The following ITGA7 variants were observed in gnomAD, a reference collection of about 807,000 sequenced individuals.
The protein encoded by ITGA7 is integrin alpha-7.
ITGA7 carries 84 observed loss-of-function variants against 131.6 expected under a neutral mutation model. The ratio of observed to expected loss-of-function variants is 0.64; its 90% CI spans 0.54 to 0.77. ITGA7 has a LOEUF of 0.77. Among genes scored for constraint, ITGA7 ranks in the 30% least tolerant of loss-of-function variants. The pLI, the probability that ITGA7 is intolerant of heterozygous loss-of-function variation, is 0.00. For missense variants in ITGA7, 1,399 were observed against 1,482.9 expected (o/e 0.94, Z 0.93); for synonymous variants, 548 against 600.7 (o/e 0.91, Z 1.28).
Position 55,685,292 on chromosome 12 carries a change from T to A in ITGA7, c.3184-4A>T. On this transcript the variant is annotated splice_region_variant and splice_polypyrimidine_tract_variant and intron_variant, in intron 24 of 24. Coordinates refer to ENST00000257879, the MANE Select transcript of ITGA7 (RefSeq NM_002206.3). The stretch of plus-strand genomic sequence containing the variant: ...TCGCCCGTTTGAAGAATCCCATCTA[T>A]AAGGACACCAGGCCAGACCATGAGG... The A allele has an allele frequency of 6.2e-7, 1 of 1,613,788 alleles. No individual in the cohort carries two copies. Among genetic ancestry groups the A allele is most frequent in the Non-Finnish European group, 8.5e-7 (1 of 1,179,874 alleles).
chr12:55,692,853 G>A lies in ITGA7; in HGVS notation c.2835C>T (p.Asn945=). 1 of 1,612,282 alleles carries A rather than the reference G, an allele frequency of 6.2e-7. No homozygotes were observed. The highest frequency in any genetic ancestry group is 8.5e-7 in the Non-Finnish European group (1 of 1,179,270). The change falls in exon 21 of 25, where the codon AAC becomes AAT. Residue 945 remains asparagine, a synonymous_variant. Transcript: ENST00000257879. ...WPVSSAEKKK[N]ITLDCARGTA... ...TCTGGCCTGCCCTCACCAGGGTGAT[G>A]TTTTTCTTCTTCTCAGCAGAGGACA...
At chr12:55,712,927 G>A (rs190968423), upstream of ITGA7, among the ~76,000 whole-genome samples, 5 of 152,320 alleles carry the variant, frequency 3.3e-5, no homozygotes, top group Non-Finnish European at 2.9e-5. Context: ...TTGTGAAAAT[G>A]TCAGGCAGTT....
At position 55,694,086 on chromosome 12, in the gene ITGA7, C is replaced by T; in HGVS notation, c.2470G>A (p.Val824Met). ...IPQQLFFSGV[V>M]RGERAMQSER... ...GACTGCATGGCTCTCTCGCCCCTCA[C>T]CACACCAGAGAAGAAGAGTTGCTGG... The change falls in exon 19 of 25, where the codon GTG becomes ATG. Residue 824 changes from valine to methionine, a missense_variant. Transcript: ENST00000257879. This position sits in a 1 kb window ranked among gnomAD's most constrained non-coding sequence, Gnocchi z 5.3. 6.2e-7 allele frequency: 1 copy of T among 1,614,226 alleles called. No homozygotes were observed. The highest frequency in any genetic ancestry group is 8.5e-7 in the Non-Finnish European group (1 of 1,180,026).
chr12:55,686,749 G>T (rs1870237563), intron 24 of ITGA7, among the ~76,000 whole-genome samples: 1 of 152,236 alleles, frequency 6.6e-6, no homozygotes, highest in African/African-American at 2.4e-5. Flanking sequence ...TCGGTATACA[G>T]CTCTGGGTGT....
intron 24 of ITGA7, among the ~76,000 whole-genome samples, chr12:55,687,571 A>C (rs1256423790): frequency 2.1e-5 from 3 of 145,232 alleles, no homozygotes; most frequent in African/African-American, 7.8e-5. Context: ...GGCTCACTGC[A>C]ACCCCACCTT....
chr12:55,702,650 T>A lies in ITGA7; in HGVS notation c.414+222A>T, dbSNP rs141473012. Among the ~76,000 whole-genome samples, 1,982 of 152,298 alleles carry A rather than the reference T, an allele frequency of 0.013. 37 individuals carry two copies. Among genetic ancestry groups the A allele is most frequent in the African/African-American group, 0.044 (1,847 of 41,564 alleles). ...TGCCTGATGCTTAAAAGGTTCTCAG[T>A]AAGAGTTTGACAAATGGATGGATGA... On this transcript the variant is annotated intron_variant, in intron 3 of 24. Transcript: ENST00000257879.
At position 55,697,946 on chromosome 12, in the gene ITGA7, G is replaced by A. The variant is rs886727586; in HGVS notation, c.1273C>T (p.Pro425Ser). 4 of 1,613,966 alleles carry A rather than the reference G, an allele frequency of 2.5e-6. No individual in the cohort carries two copies. The African/African-American group carries it at 5.3e-5, about 22-fold the overall frequency. ...CCAGCGACTCCCCTCACCTGTGAAG[G>A]TTTGGCGACAACCCCCAGGCTGCTC... Reference protein sequence around the residue: ...HGSSLGVVAKPSQVLEGEAVG... With the variant: ...HGSSLGVVAKSSQVLEGEAVG... Residue 425 changes from proline (P) to serine (S), a missense_variant, in exon 8 of 25, where the codon CCT (proline) becomes TCT (serine). Coordinates refer to ENST00000257879, the MANE Select transcript of ITGA7 (RefSeq NM_002206.3).
At chr12:55,698,132 G>C (rs2136030377) in intron 7 of ITGA7, 106 bp from the exon 8 acceptor site, 1 of 1,130,310 alleles carries the variant, frequency 8.8e-7, no homozygotes, top group East Asian at 2.4e-5. Flanking sequence ...ATTTTATTGA[G>C]AGGCTACAAA....
chr12:55,709,600 G>A (rs912646031), upstream of ITGA7, among the ~76,000 whole-genome samples: 2 of 152,172 alleles, frequency 1.3e-5, no homozygotes, highest in Non-Finnish European at 2.9e-5. Context: ...CAGAGCCCCA[G>A]ACAGTAGAGA....
chr12:55,684,886 GA>G lies in ITGA7; in HGVS notation c.*171del, dbSNP rs886049663. The G allele has an allele frequency of 3.4e-5, 21 of 610,112 alleles. No homozygotes were observed. The African/African-American group carries it at 3.5e-4, about 10-fold the overall frequency. The allele number at this position is 610,112 out of a possible 1,614,324, so 37.8% of individuals were successfully genotyped here. A position where few individuals can be genotyped will look rare whatever the true frequency, so the allele number is the denominator to read the frequency against. On this transcript the variant is annotated 3_prime_UTR_variant, in exon 25 of 25. Coordinates refer to ENST00000257879, the MANE Select transcript of ITGA7 (RefSeq NM_002206.3). ...CTCTCATCTCACAGCACTCTAAGGGGAAGTTGGGTGGGAGGAGTTCTTGTGG... is the reference window on the plus strand; with the variant it reads ...CTCTCATCTCACAGCACTCTAAGGGGAGTTGGGTGGGAGGAGTTCTTGTGG...
At chr12:55,687,169 CTTTTTT>C (rs1187388992) in intron 24 of ITGA7, among the ~76,000 whole-genome samples, 1 of 88,170 alleles carries the variant, frequency 1.1e-5, no homozygotes, top group African/African-American at 5.9e-5. Flanking sequence ...CATCTGATTT[CTTTTTT>C]TTTTTTTTTT....
At position 55,703,143 on chromosome 12, in the gene ITGA7, G is replaced by C. The variant is rs951127659; in HGVS notation, c.242C>G (p.Pro81Arg). The change falls in exon 2 of 25, where the codon CCT (proline) becomes CGT (arginine). Residue 81 changes from proline to arginine, a missense_variant. Pro to Arg is a moderately radical substitution (Grantham distance 103). Transcript: ENST00000257879. The stretch of plus-strand genomic sequence containing the variant: ...TCCAGTGCGATTCGCCTGCTGCCCA[G>C]GAAGAGCCAGGGCCTGGGGAGCACC... ...LVGAPQALALPGQQANRTGGL... is the reference protein window; with the variant it reads ...LVGAPQALALRGQQANRTGGL... The C allele has an allele frequency of 1.2e-6, 2 of 1,612,544 alleles. No individual in the cohort carries two copies. Among genetic ancestry groups the C allele is most frequent in the Non-Finnish European group, 1.7e-6 (2 of 1,180,000 alleles).
chr12:55,712,148 A>C (rs78694778), upstream of ITGA7: 18,700 of 1,551,456 alleles, frequency 0.012, 1,349 homozygotes, highest in African/African-American at 0.18. Context: ...GGAGGAAAAG[A>C]ACATAAATGT....
At chr12:55,708,061 C>A, upstream of ITGA7, 3 of 980,870 alleles carry the variant, frequency 3.1e-6, no homozygotes, top group Non-Finnish European at 2.4e-6. Flanking sequence ...CCCACCACCA[C>A]GCCCCCCAAG....
chr12:55,685,243 G>A lies in ITGA7; in HGVS notation c.3229C>T (p.Gln1077Ter), dbSNP rs1315888322. Residue 1077 changes from glutamine to a stop codon, truncating the protein, a stop_gained, in exon 25 of 25, where the codon CAG (glutamine) becomes TAG (stop). Coordinates refer to ENST00000257879, the MANE Select transcript of ITGA7 (RefSeq NM_002206.3). LOFTEE classifies it high-confidence loss of function. ...RAKHPEATVP[Q>*]YHAVKIPRED... is the part of the protein sequence containing the mutation. ...CGAGGAATCTTCACCGCATGGTACTGGGGCACGGTGGCCTCGGGGTGCTTC... is the reference window on the plus strand; with the variant it reads ...CGAGGAATCTTCACCGCATGGTACTAGGGCACGGTGGCCTCGGGGTGCTTC... 1 of 1,614,084 alleles carries A rather than the reference G, an allele frequency of 6.2e-7. No homozygotes were observed. Among genetic ancestry groups the A allele is most frequent in the African/African-American group, 1.3e-5 (1 of 74,952 alleles).
At chr12:55,711,915 G>A, upstream of ITGA7, 1 of 684,602 alleles carries the variant, frequency 1.5e-6, no homozygotes, top group South Asian at 1.7e-5. Flanking sequence ...GTTGTCTCTA[G>A]CTTACAAGCA....
intron 24 of ITGA7, among the ~76,000 whole-genome samples, chr12:55,685,698 T>C (rs1386384259): frequency 6.6e-6 from 1 of 152,200 alleles, no homozygotes; most frequent in African/African-American, 2.4e-5. Context: ...ATGATACCTC[T>C]CAAGCCTCAT....
At position 55,688,110 on chromosome 12, in the gene ITGA7, G is replaced by C; in HGVS notation, c.3058-14C>G. 6.2e-7 allele frequency: 1 copy of C among 1,614,096 alleles called. No homozygotes were observed. The highest frequency in any genetic ancestry group is 1.1e-5 in the South Asian group (1 of 91,074). On this transcript the variant is annotated splice_polypyrimidine_tract_variant and intron_variant, in intron 23 of 24. Transcript: ENST00000257879. Reference sequence around the variant, plus strand: ...CATCACTGGGATCTGGGGAGCAAGGGGTCAATGGAGCAAGAGGTCAATGGA... The same window carrying C: ...CATCACTGGGATCTGGGGAGCAAGGCGTCAATGGAGCAAGAGGTCAATGGA...
chr12:55,688,248 A>T lies in ITGA7; in HGVS notation c.3011T>A (p.Val1004Glu). The T allele has an allele frequency of 6.2e-7, 1 of 1,614,180 alleles. No homozygotes were observed. Among genetic ancestry groups the T allele is most frequent in the Non-Finnish European group, 8.5e-7 (1 of 1,180,018 alleles). Reference protein sequence around the residue: ...LEVIVRANITVKSSIKNLMLR... With the variant: ...LEVIVRANITEKSSIKNLMLR... The stretch of plus-strand genomic sequence containing the variant: ...CATCAAGTTCTTTATGGAGGACTTC[A>T]CTGTGATGTTGGCCCGGACAATCAC... The change falls in exon 23 of 25, where the codon GTG (valine) becomes GAG (glutamate). Residue 1004 changes from valine to glutamate, a missense_variant. Physicochemically the swap from Val to Glu is moderately radical, Grantham distance 121 (BLOSUM62 -2). Transcript: ENST00000257879.
Sources: gnomAD v4.1 joint callset for allele counts (sites outside exome capture counted in the v4.1 genomes callset) on GRCh38, gnomAD v4.1.1 for gene constraint, Gnocchi (gnomAD v3.1) non-coding constraint, MANE v1.5 for transcripts, NCBI Gene and HGNC (gene_info 2026-07-23, HGNC 2026-07-21) for gene names.